STARD13: variants seen among roughly 807,000 people sequenced by gnomAD.
STARD13 encodes StAR related lipid transfer domain containing 13, also known as stAR-related lipid transfer protein 13.
STARD13 carries 62 observed loss-of-function variants against 106.4 expected under a neutral mutation model. The observed-to-expected ratio is 0.58, with a 90% CI of 0.48 to 0.72. The LOEUF (loss-of-function observed/expected upper bound fraction) is 0.72. Ranked by LOEUF, STARD13 falls within the 30% of genes least tolerant of loss-of-function variation. The pLI, the probability that STARD13 is intolerant of heterozygous loss-of-function variation, is 0.00. For synonymous variants in STARD13, 565 were observed against 553.0 expected (o/e 1.02, Z -0.31); for missense variants, 1,387 against 1,424.0 (o/e 0.97, Z 0.42).
At chr13:33,609,905 A>G in the STARD13 span, among the ~76,000 whole-genome samples, 1 of 152,176 alleles carries the variant, frequency 6.6e-6, no homozygotes, top group Non-Finnish European at 1.5e-5. Context: ...TCCCATATAC[A>G]CTAGGCATGT....
chr13:33,139,292 A>C (rs1998726), intron 4 of STARD13, among the ~76,000 whole-genome samples: 123,144 of 151,838 alleles, frequency 0.81, 50,199 homozygotes, highest in African/African-American at 0.89. Context: ...AGATTCAAGT[A>C]CTGCCTCTGC....
the STARD13 span, among the ~76,000 whole-genome samples, chr13:33,437,407 C>T: frequency 3.3e-5 from 5 of 152,136 alleles, no homozygotes; most frequent in South Asian, 4.1e-4. Context: ...TGCCCCTGGC[C>T]GAATAAACCC....
chr13:33,123,055 CAAAAAAAAAA>C (rs71071079), intron 7 of STARD13, among the ~76,000 whole-genome samples: 5 of 45,842 alleles, frequency 1.1e-4, no homozygotes, highest in African/African-American at 1.7e-4. Flanking sequence ...GACTCCATCT[CAAAAAAAAAA>C]AAAAAAAAAA....
the STARD13 span, among the ~76,000 whole-genome samples, chr13:33,518,581 G>T: frequency 6.6e-6 from 1 of 152,170 alleles, no homozygotes; most frequent in South Asian, 2.1e-4. Context: ...TTATGGTCCT[G>T]CGGTCTTAAC....
the STARD13 span, among the ~76,000 whole-genome samples, chr13:33,674,243 TC>T: frequency 1.3e-5 from 2 of 152,232 alleles, no homozygotes; most frequent in Non-Finnish European, 2.9e-5. Context: ...TCATGTTTGT[TC>T]ATGAAGAGTT....
At chr13:33,547,409 A>G in the STARD13 span, among the ~76,000 whole-genome samples, 1 of 152,220 alleles carries the variant, frequency 6.6e-6, no homozygotes, top group African/African-American at 2.4e-5. Context: ...CTTTTTTCAC[A>G]AATGTGGGAA....
At chr13:33,606,202 G>C in the STARD13 span, among the ~76,000 whole-genome samples, 1 of 152,288 alleles carries the variant, frequency 6.6e-6, no homozygotes, top group East Asian at 1.9e-4. Context: ...TCAGGAGGCT[G>C]AGACAGGAGA....
chr13:33,398,802 G>T, the STARD13 span, among the ~76,000 whole-genome samples: 2 of 152,162 alleles, frequency 1.3e-5, no homozygotes, highest in South Asian at 2.1e-4. Context: ...CTCATACATT[G>T]CTGGAGAAAA....
chr13:33,348,978 G>T (rs542663369), exon 2 of STARD13: 1 of 608,274 alleles, frequency 1.6e-6, no homozygotes, highest in Admixed American at 2.7e-5. Flanking sequence ...TAGATTCTGG[G>T]CATCTTCCCC....
the STARD13 span, among the ~76,000 whole-genome samples, chr13:33,476,434 A>G: frequency 6.6e-5 from 10 of 152,336 alleles, no homozygotes; most frequent in Admixed American, 6.5e-4. Flanking sequence ...TTAAATAGCT[A>G]AAAAGAAATT....
chr13:33,250,664 T>C (rs540956657), intron 1 of STARD13, among the ~76,000 whole-genome samples: 3 of 152,380 alleles, frequency 2.0e-5, no homozygotes, highest in Admixed American at 6.5e-5. Context: ...GATTTACATT[T>C]ATTCCTGTGT....
chr13:33,578,257 A>G, the STARD13 span, among the ~76,000 whole-genome samples: 2 of 152,168 alleles, frequency 1.3e-5, no homozygotes, highest in Non-Finnish European at 2.9e-5. Flanking sequence ...ATTATACTAC[A>G]AGGCTACAGA....
At chr13:33,554,553 A>G in the STARD13 span, among the ~76,000 whole-genome samples, 1 of 152,246 alleles carries the variant, frequency 6.6e-6, no homozygotes, top group Non-Finnish European at 1.5e-5. Context: ...ATGTATAGTA[A>G]GTATCAAATA....
chr13:33,635,015 A>G, the STARD13 span, among the ~76,000 whole-genome samples: 1 of 152,246 alleles, frequency 6.6e-6, no homozygotes, highest in Non-Finnish European at 1.5e-5. Context: ...AAAGGGGAAC[A>G]TTTGAGATGC....
rs1892000524 is a variant in STARD13 at position 33,285,335 on chromosome 13, A to G, written c.169+135T>C. The G allele has an allele frequency of 6.3e-6, 6 of 956,882 alleles. No individual in the cohort carries two copies. The South Asian group carries it at 1.0e-4, about 16-fold the overall frequency. 59.3% of individuals were successfully genotyped at this position (956,882 alleles called of 1,614,324 possible). A position where few individuals can be genotyped will look rare whatever the true frequency, so the allele number is the denominator to read the frequency against. The stretch of plus-strand genomic sequence containing the variant: ...AAACTGCAGCCTAAAGTTATTTTTC[A>G]AAGTTACGGGTAGTGTGGCATAGAA... On this transcript the variant is annotated intron_variant, in intron 1 of 13. Transcript: ENST00000336934.
At chr13:33,343,585 A>AAAAAAAAC (rs1220441601) in intron 1 of STARD13, among the ~76,000 whole-genome samples, 65 of 94,966 alleles carry the variant, frequency 6.8e-4, no homozygotes, top group South Asian at 4.0e-3. Flanking sequence ...CTTAAAAAAA[A>AAAAAAAAC]AAAAAAAAAA....
the STARD13 span, among the ~76,000 whole-genome samples, chr13:33,590,943 A>G: frequency 6.6e-6 from 1 of 152,224 alleles, no homozygotes; most frequent in Non-Finnish European, 1.5e-5. Context: ...CCAATCTGCA[A>G]TTTTTAAAAG....
chr13:33,304,655 G>A (rs1422039919), intron 1 of STARD13, among the ~76,000 whole-genome samples: 3 of 152,010 alleles, frequency 2.0e-5, no homozygotes, highest in African/African-American at 7.3e-5. Context: ...GACATTCTAA[G>A]ATCTACCCTA....
chr13:33,316,230 G>C (rs1477880632), intron 1 of STARD13, among the ~76,000 whole-genome samples: 1 of 151,966 alleles, frequency 6.6e-6, no homozygotes, highest in Admixed American at 6.6e-5. Context: ...CTCACATGTG[G>C]TTTCCTCTAT....
Sources: gnomAD v4.1 joint callset for allele counts (sites outside exome capture counted in the v4.1 genomes callset) on GRCh38, gnomAD v4.1.1 for gene constraint, MANE v1.5 for transcripts, NCBI Gene and HGNC (gene_info 2026-07-23, HGNC 2026-07-21) for gene names.